KAZN: variants seen among roughly 807,000 people sequenced by gnomAD.
KAZN encodes the protein kazrin.
In KAZN, 40 loss-of-function variants were observed where a neutral mutation model predicts 87.4. That is an observed-to-expected ratio of 0.46 (90% confidence interval 0.36 to 0.60). The LOEUF is 0.60. KAZN is among the 20% of genes least tolerant of loss of function. The probability of loss-of-function intolerance (pLI) is 0.00; values close to 1 mark genes in which losing one functional copy is unlikely to be tolerated. For missense variants in KAZN, 898 were observed against 1,073.9 expected (o/e 0.84, Z 2.29); for synonymous variants, 466 against 458.3 (o/e 1.02, Z -0.22).
rs1256875505 is a variant in KAZN, at chr1:14,580,780, A to G, written c.250-18203A>G. ...AAGCCCCTTCTTGCAGTCACCTTTG[A>G]CCTCTGCATTCCAGATTCTTGGTCG... On this transcript the variant is annotated intron_variant, in intron 2 of 16. Coordinates refer to the KAZN transcript ENST00000636203. Among the ~76,000 whole-genome samples the G allele has an allele frequency of 7.9e-5, 12 of 152,090 alleles. 1 individual carries two copies. Among genetic ancestry groups the G allele is most frequent in the Admixed American group, 7.9e-4 (12 of 15,270 alleles).
intron 2 of KAZN, among the ~76,000 whole-genome samples, chr1:14,409,590 A>G (rs1032621216): frequency 6.6e-6 from 1 of 152,112 alleles, no homozygotes; most frequent in African/African-American, 2.4e-5. Flanking sequence ...AGTGATATCC[A>G]TGGGGAATCT....
chr1:15,070,575 G>T (rs568834637), intron 8 of KAZN, among the ~76,000 whole-genome samples: 2 of 152,340 alleles, frequency 1.3e-5, no homozygotes, highest in East Asian at 3.9e-4. Flanking sequence ...TGTGACAAAC[G>T]GTATCGTGCC....
intron 1 of KAZN, among the ~76,000 whole-genome samples, chr1:14,010,575 G>A (rs10465641): frequency 0.73 from 110,585 of 152,062 alleles, 40,772 homozygotes; most frequent in South Asian, 0.84. Flanking sequence ...TCTGCCCCAT[G>A]GCTCAGCTTG....
chr1:14,547,738 A>T (rs2148505903), intron 2 of KAZN, among the ~76,000 whole-genome samples: 1 of 152,124 alleles, frequency 6.6e-6, no homozygotes, highest in South Asian at 2.1e-4. Context: ...GCCCACCACC[A>T]CGCCCTGCTA....
At position 14,465,398 on chromosome 1, in the gene KAZN, C is replaced by CAAAAAA. The variant is rs71572107; in HGVS notation, c.250-133571_250-133566dup. On this transcript the variant is annotated intron_variant, in intron 2 of 16. Coordinates refer to the KAZN transcript ENST00000636203. ...TGGGCAACAGAGCGAGACTCTGTCT[C>CAAAAAA]AAAAAAAAAAAAAAAAAAAGCTTCA... 3.3e-4 allele frequency among the ~76,000 whole-genome samples: 28 copies of CAAAAAA among 84,702 alleles called. 1 individual carries two copies. The highest frequency in any genetic ancestry group is 1.0e-3 in the Admixed American group (7 of 6,764). The allele number at this position is 84,702 out of a possible 152,430, so 55.6% of individuals were successfully genotyped here. A position where few individuals can be genotyped will look rare whatever the true frequency, so the allele number is the denominator to read the frequency against.
intron 2 of KAZN, among the ~76,000 whole-genome samples, chr1:14,399,099 C>G (rs1663155898): frequency 6.6e-6 from 1 of 152,194 alleles, no homozygotes; most frequent in African/African-American, 2.4e-5. Flanking sequence ...AATCACAGCT[C>G]ACTGCAGCCT....
intron 1 of KAZN, among the ~76,000 whole-genome samples, chr1:14,741,942 G>GT (rs147687617): frequency 0.017 from 2,542 of 150,626 alleles, 43 homozygotes; most frequent in African/African-American, 0.048. Context: ...TCTTGTGGTT[G>GT]TTTTTTTTTG....
intron 1 of KAZN, among the ~76,000 whole-genome samples, chr1:14,711,751 C>A (rs1572284958): frequency 6.6e-6 from 1 of 152,196 alleles, no homozygotes; most frequent in Non-Finnish European, 1.5e-5. Flanking sequence ...AGCTTGGAAG[C>A]AGATCCTCTT....
intron 13 of KAZN, among the ~76,000 whole-genome samples, chr1:15,108,780 G>T (rs1298043491): frequency 2.0e-5 from 3 of 152,162 alleles, no homozygotes; most frequent in African/African-American, 7.2e-5. Context: ...GGAGAGTCCA[G>T]TGAGATGCCC....
intron 2 of KAZN, among the ~76,000 whole-genome samples, chr1:14,978,112 C>G (rs1423201771): frequency 2.0e-5 from 3 of 152,208 alleles, no homozygotes; most frequent in Non-Finnish European, 4.4e-5. Context: ...GCTCCCTCCC[C>G]GTGGCCTTCC....
At chr1:14,847,581 C>A (rs988930599) in intron 1 of KAZN, among the ~76,000 whole-genome samples, 2 of 152,196 alleles carry the variant, frequency 1.3e-5, no homozygotes, top group East Asian at 3.8e-4. Flanking sequence ...TTTGGGAGCA[C>A]ACTACTTCTG....
rs1392330752 is a variant in KAZN at position 13,947,395 on chromosome 1, A to G, written c.91+53639A>G. ...CACTCATGAGAACAGCATGGGGGAAACCGCCCCCGTGATCCAATCACCTCC... is the reference window on the plus strand; with the variant it reads ...CACTCATGAGAACAGCATGGGGGAAGCCGCCCCCGTGATCCAATCACCTCC... On this transcript the variant is annotated intron_variant, in intron 1 of 16. Coordinates refer to the KAZN transcript ENST00000636203. 4.6e-5 allele frequency among the ~76,000 whole-genome samples: 7 copies of G among 151,928 alleles called. No homozygotes were observed. In the East Asian group the frequency reaches 1.4e-3, roughly 29 times the overall value.
At chr1:14,399,880 C>T (rs1036117819) in intron 2 of KAZN, among the ~76,000 whole-genome samples, 2 of 152,160 alleles carry the variant, frequency 1.3e-5, no homozygotes, top group Non-Finnish European at 2.9e-5. Context: ...ACCATGAACT[C>T]CTTGAAGATG....
chr1:15,114,455 ATTC>A lies in KAZN; in HGVS notation c.2164-11_2164-9del. The A allele has an allele frequency of 1.3e-6, 2 of 1,597,684 alleles. No homozygotes were observed. Among genetic ancestry groups the A allele is most frequent in the Non-Finnish European group, 1.7e-6 (2 of 1,169,880 alleles). ...TCTCTTCTTCCTGTCCTTTGATCAT[ATTC>A]TTCTCTTCTCAGCTGCCCCTGGGGA... On this transcript the variant is annotated splice_polypyrimidine_tract_variant and intron_variant, in intron 14 of 14. Transcript: ENST00000376030.
intron 1 of KAZN, among the ~76,000 whole-genome samples, chr1:14,625,345 CT>C (rs1679057458): frequency 6.6e-6 from 1 of 152,144 alleles, no homozygotes; most frequent in Non-Finnish European, 1.5e-5. Flanking sequence ...GGTGGCCCCC[CT>C]CACACTGCAA....
intron 1 of KAZN, among the ~76,000 whole-genome samples, chr1:13,925,571 G>A (rs1410816721): frequency 6.6e-6 from 1 of 152,186 alleles, no homozygotes; most frequent in African/African-American, 2.4e-5. Context: ...AATGAATGAG[G>A]AGAAAATAGC....
At chr1:14,816,698 A>C (rs781346026) in intron 1 of KAZN, among the ~76,000 whole-genome samples, 8 of 152,166 alleles carry the variant, frequency 5.3e-5, no homozygotes, top group Non-Finnish European at 7.3e-5. Flanking sequence ...ATATAAATAG[A>C]TAATGATAAA....
At chr1:15,074,909 C>T (rs979527057) in intron 8 of KAZN, among the ~76,000 whole-genome samples, 4 of 152,146 alleles carry the variant, frequency 2.6e-5, no homozygotes, top group African/African-American at 9.7e-5. Flanking sequence ...GCACAGGGCG[C>T]AATAAACCTT....
chr1:14,888,346 C>T (rs1043622982), intron 1 of KAZN, among the ~76,000 whole-genome samples: 1 of 152,096 alleles, frequency 6.6e-6, no homozygotes, highest in Non-Finnish European at 1.5e-5. Flanking sequence ...CTTCCAGGGT[C>T]GTCTTGTGCA....
Sources: gnomAD v4.1 joint callset for allele counts (sites outside exome capture counted in the v4.1 genomes callset) on GRCh38, gnomAD v4.1.1 for gene constraint, MANE v1.5 for transcripts, NCBI Gene and HGNC (gene_info 2026-07-23, HGNC 2026-07-21) for gene names.